Variants in GRIA4 observed in about 807,000 individuals in gnomAD.
GRIA4 encodes the protein glutamate ionotropic receptor AMPA type subunit 4, also known as glutamate receptor 4.
Under a neutral mutation model 104.0 loss-of-function variants are expected in GRIA4, and 34 were observed. The ratio of observed to expected loss-of-function variants is 0.33; its 90% CI spans 0.25 to 0.44. The LOEUF is 0.44. Among genes scored for constraint, GRIA4 ranks in the 20% least tolerant of loss-of-function variants. The pLI is 1.00. For missense variants in GRIA4, 750 were observed against 1,096.5 expected, an observed-to-expected ratio of 0.68 and a Z score of 4.46; for synonymous variants, 386 against 381.9, an observed-to-expected ratio of 1.01 and a Z score of -0.13.
At chr11:105,794,628 T>G (rs1215664306) in intron 4 of GRIA4, among the ~76,000 whole-genome samples, 1 of 144,494 alleles carries the variant, frequency 6.9e-6, no homozygotes. Context: ...AGAGAGAGAG[T>G]TATGGTTGTG....
At chr11:105,842,840 G>T (rs1385474068) in intron 4 of GRIA4, 1 of 152,178 alleles carries the variant, frequency 6.6e-6, no homozygotes, top group Non-Finnish European at 1.5e-5. Context: ...AAGGACTCAA[G>T]AATTCTTACT....
chr11:105,726,763 C>G (rs940939014), intron 3 of GRIA4, among the ~76,000 whole-genome samples: 2 of 152,040 alleles, frequency 1.3e-5, no homozygotes, highest in African/African-American at 4.8e-5. Context: ...GGACCCCCAG[C>G]AATCTCCAGC....
At chr11:105,908,346 T>C (rs898053878) in intron 9 of GRIA4, among the ~76,000 whole-genome samples, 7 of 152,202 alleles carry the variant, frequency 4.6e-5, no homozygotes, top group African/African-American at 1.7e-4. Flanking sequence ...AAAATATCCA[T>C]TTCCCTGTCT....
At chr11:105,948,940 A>G (rs1019485428) in intron 14 of GRIA4, among the ~76,000 whole-genome samples, 2 of 152,122 alleles carry the variant, frequency 1.3e-5, no homozygotes. Flanking sequence ...AAACTTGAAT[A>G]GAATTGATTT....
chr11:105,865,911 G>T (rs1945387400), intron 5 of GRIA4, among the ~76,000 whole-genome samples: 1 of 152,060 alleles, frequency 6.6e-6, no homozygotes, highest in Non-Finnish European at 1.5e-5. Context: ...AAAACCCAAG[G>T]GTCCAGCAGC....
At chr11:105,876,850 G>A (rs1945846695) in intron 5 of GRIA4, among the ~76,000 whole-genome samples, 1 of 152,134 alleles carries the variant, frequency 6.6e-6, no homozygotes, top group South Asian at 2.1e-4. Flanking sequence ...ACACCGATGG[G>A]TCTTGACCCT....
At chr11:105,795,780 C>A (rs1186177497) in intron 4 of GRIA4, among the ~76,000 whole-genome samples, 8 of 151,980 alleles carry the variant, frequency 5.3e-5, no homozygotes, top group Admixed American at 5.3e-4. Context: ...GCTAGAACAT[C>A]GATGCTTATT....
chr11:105,880,617 C>G (rs1387470663), intron 5 of GRIA4, among the ~76,000 whole-genome samples: 2 of 151,686 alleles, frequency 1.3e-5, no homozygotes, highest in Non-Finnish European at 2.9e-5. Context: ...TTGGAATAGT[C>G]AGAAAAAGAA....
At chr11:105,828,912 A>T (rs1943873188) in intron 4 of GRIA4, among the ~76,000 whole-genome samples, 1 of 152,002 alleles carries the variant, frequency 6.6e-6, no homozygotes. Context: ...ATATTCAGAG[A>T]CAATTTTCAG....
chr11:105,850,655 T>C (rs1944775081), intron 4 of GRIA4, among the ~76,000 whole-genome samples: 1 of 152,200 alleles, frequency 6.6e-6, no homozygotes, highest in Admixed American at 6.5e-5. Flanking sequence ...CTGTGTTCAT[T>C]ATTGTAATCT....
chr11:105,772,575 A>G (rs1941259236), intron 4 of GRIA4, among the ~76,000 whole-genome samples: 1 of 152,098 alleles, frequency 6.6e-6, no homozygotes, highest in Non-Finnish European at 1.5e-5. Context: ...TAAAAGTCAT[A>G]CTCAGATTTT....
intron 3 of GRIA4, among the ~76,000 whole-genome samples, chr11:105,617,443 T>C (rs1401408192): frequency 6.6e-6 from 1 of 151,936 alleles, no homozygotes; most frequent in Non-Finnish European, 1.5e-5. Context: ...GAACTAATTC[T>C]TATACCTACT....
chr11:105,712,396 T>A (rs1953941922), intron 3 of GRIA4, among the ~76,000 whole-genome samples: 1 of 152,010 alleles, frequency 6.6e-6, no homozygotes, highest in Non-Finnish European at 1.5e-5. Context: ...AGTGAAAGGA[T>A]CTATCTATAT....
chr11:105,960,832 A>G (rs1032974621), intron 14 of GRIA4, among the ~76,000 whole-genome samples: 5 of 152,242 alleles, frequency 3.3e-5, no homozygotes, highest in East Asian at 1.9e-4. Flanking sequence ...CCGGATGGGT[A>G]GCGTACTCAC....
chr11:105,790,058 A>G (rs1390607587), intron 4 of GRIA4, among the ~76,000 whole-genome samples: 1 of 152,170 alleles, frequency 6.6e-6, no homozygotes, highest in East Asian at 1.9e-4. Context: ...TTTTTTTTCT[A>G]TCACTCTCAC....
intron 4 of GRIA4, among the ~76,000 whole-genome samples, chr11:105,819,831 A>G (rs559230892): frequency 1.3e-5 from 2 of 152,246 alleles, no homozygotes; most frequent in South Asian, 4.1e-4. Flanking sequence ...TTACCTCAGA[A>G]CATGAACTTA....
intron 3 of GRIA4, among the ~76,000 whole-genome samples, chr11:105,688,156 C>CTATATCTATATCTCTATCTATCTATCTA (rs373564678): frequency 6.9e-5 from 5 of 72,738 alleles, no homozygotes; most frequent in East Asian, 3.9e-4. Flanking sequence ...ATATCTATAT[C>CTATATCTATATCTCTATCTATCTATCTA]TCTATCTATC....
chr11:105,965,245 G>T (rs555602234), intron 14 of GRIA4, among the ~76,000 whole-genome samples: 2 of 151,118 alleles, frequency 1.3e-5, no homozygotes, highest in African/African-American at 4.9e-5. Flanking sequence ...ACATCCTGGG[G>T]TTTAATTACT....
intron 3 of GRIA4, among the ~76,000 whole-genome samples, chr11:105,733,481 G>A (rs1352742918): frequency 6.6e-6 from 1 of 151,988 alleles, no homozygotes; most frequent in East Asian, 1.9e-4. Flanking sequence ...TTTTGAGACG[G>A]AGTCTGGCTC....
Sources: allele counts gnomAD v4.1 joint callset (sites outside exome capture counted in the v4.1 genomes callset), GRCh38; gene constraint gnomAD v4.1.1; transcripts MANE v1.5; gene names NCBI Gene and HGNC (gene_info 2026-07-23, HGNC 2026-07-21).